The following PPP2R3C variants were observed in gnomAD, a reference collection of about 807,000 sequenced individuals.
PPP2R3C encodes the protein serine/threonine-protein phosphatase 2A regulatory subunit B'' subunit gamma.
PPP2R3C carries 47 observed loss-of-function variants against 63.7 expected under a neutral mutation model. That is an observed-to-expected ratio of 0.74 (90% CI 0.58 to 0.94). The LOEUF is 0.94. Ranked by LOEUF, PPP2R3C falls within the 40% of genes least tolerant of loss-of-function variation. The pLI is 0.00. For missense variants in PPP2R3C, 421 were observed against 518.4 expected, an observed-to-expected ratio of 0.81 and a Z score of 1.82; for synonymous variants, 180 against 177.4, an observed-to-expected ratio of 1.01 and a Z score of -0.12.
Position 35,085,571 on chromosome 14 carries a change from CAGTCT to C in PPP2R3C, c.*14_*18del. 6.4e-7 allele frequency: 1 copy of C among 1,571,164 alleles called. No homozygotes were observed. Reference sequence around the variant, plus strand: ...CATTCAAGTATCTCATAATATAAGACAGTCTAGTCTTTCAGAGATCATGTATCATC... The same window carrying C: ...CATTCAAGTATCTCATAATATAAGACAGTCTTTCAGAGATCATGTATCATC... On this transcript the variant is annotated 3_prime_UTR_variant, in exon 13 of 13. Transcript: ENST00000261475.
In PPP2R3C at chr14:35,085,599, A is replaced by G. The variant is rs1243888501; in HGVS notation, c.1353T>C (p.Asp451=). The change falls in exon 13 of 13, where the codon GAT becomes GAC. Residue 451 remains aspartate, a synonymous_variant. Coordinates refer to ENST00000261475, the MANE Select transcript of PPP2R3C (RefSeq NM_017917.4). ...ANDSENSADL[D]DT ...TCTAGTCTTTCAGAGATCATGTATC[A>G]TCAAGGTCTGCAGAGTTTTCACTGT... 2 of 1,607,080 alleles carry G rather than the reference A, an allele frequency of 1.2e-6. No homozygotes were observed. The highest frequency in any genetic ancestry group is 2.2e-5 in the East Asian group (1 of 44,838).
chr14:35,117,781 G>A (rs1053778090), intron 1 of PPP2R3C, among the ~76,000 whole-genome samples: 13 of 151,616 alleles, frequency 8.6e-5, no homozygotes, highest in Non-Finnish European at 4.4e-5. Context: ...GGCAACCTCC[G>A]CCTCCCAGGT....
chr14:35,121,254 A>G (rs1228637453), intron 1 of PPP2R3C, among the ~76,000 whole-genome samples: 1 of 152,010 alleles, frequency 6.6e-6, no homozygotes, highest in African/African-American at 2.4e-5. Flanking sequence ...GCGCGCGCTT[A>G]TAGTTCCAGC....
At position 35,110,318 on chromosome 14, in the gene PPP2R3C, TAAAC is replaced by T. The variant is rs1362659003; in HGVS notation, c.291+203_291+206del. 9.9e-6 allele frequency: 5 copies of T among 502,764 alleles called. No homozygotes were observed. The East Asian group carries it at 1.4e-4, about 14-fold the overall frequency. The allele number at this position is 502,764 out of a possible 1,614,324, so 31.1% of individuals were successfully genotyped here. A position where few individuals can be genotyped will look rare whatever the true frequency, so the allele number is the denominator to read the frequency against. On this transcript the variant is annotated intron_variant, in intron 3 of 12. Transcript: ENST00000261475. ...TGCACATTAGAATCACCTAGGGCCT[TAAAC>T]AAAAATAACAAACAACACTATGTTT...
At position 35,121,938 on chromosome 14, in the gene PPP2R3C, G is replaced by A; in HGVS notation, c.22C>T (p.Arg8Cys). 7 of 1,614,132 alleles carry A rather than the reference G, an allele frequency of 4.3e-6. No individual in the cohort carries two copies. Among genetic ancestry groups the A allele is most frequent in the Non-Finnish European group, 5.1e-6 (6 of 1,180,030 alleles). The change falls in exon 1 of 13, where the codon CGT becomes TGT. Residue 8 changes from arginine (R) to cysteine (C), a missense_variant. This residue lies in a region of PPP2R3C where 143 missense variants were observed against 151.2 expected (regional missense o/e 0.95). Transcript: ENST00000261475. MDWKEVL[R>C]RRLATPNTCP... ...GTGTTGGGCGTCGCTAGGCGCCGAC[G>A]AAGAACTTCTTTCCAGTCCATGGCC...
At chr14:35,086,405 GC>G in intron 12 of PPP2R3C, 1 of 152,036 alleles carries the variant, frequency 6.6e-6, no homozygotes, top group Non-Finnish European at 1.5e-5. Flanking sequence ...CACCATATTG[GC>G]CAGGCTGGTC....
At chr14:35,089,774 T>C (rs541348427) in intron 11 of PPP2R3C, among the ~76,000 whole-genome samples, 1 of 152,092 alleles carries the variant, frequency 6.6e-6, no homozygotes, top group Non-Finnish European at 1.5e-5. Context: ...CATGCCATTC[T>C]CCTGCCTCAG....
At chr14:35,097,732 T>TGC in intron 7 of PPP2R3C, among the ~76,000 whole-genome samples, 1 of 152,070 alleles carries the variant, frequency 6.6e-6, no homozygotes, top group African/African-American at 2.4e-5. Flanking sequence ...GATTCACCCA[T>TGC]CTTAGCCTCC....
chr14:35,098,106 T>C (rs1405185630), intron 7 of PPP2R3C, among the ~76,000 whole-genome samples: 3 of 152,028 alleles, frequency 2.0e-5, no homozygotes, highest in African/African-American at 7.2e-5. Context: ...AAAGTATATA[T>C]GTGTGTACTT....
chr14:35,117,097 G>C (rs1422771087), intron 1 of PPP2R3C: 2 of 455,816 alleles, frequency 4.4e-6, no homozygotes, highest in Non-Finnish European at 8.8e-6. Context: ...CGCTGTAGTA[G>C]ACACGGAATG....
intron 6 of PPP2R3C, among the ~76,000 whole-genome samples, chr14:35,105,811 A>G (rs2046334469): frequency 6.6e-6 from 1 of 151,818 alleles, no homozygotes; most frequent in African/African-American, 2.4e-5. Flanking sequence ...GTGAATATGG[A>G]CAGTTAGCAT....
At position 35,119,849 on chromosome 14, in the gene PPP2R3C, C is replaced by CTTT. The variant is rs71121267; in HGVS notation, c.58+2050_58+2052dup. Among the ~76,000 whole-genome samples the CTTT allele has an allele frequency of 2.1e-3, 242 of 116,962 alleles. 9 individuals carry two copies. The highest frequency in any genetic ancestry group is 4.1e-3 in the African/African-American group (121 of 29,602). The allele number at this position is 116,962 out of a possible 152,430, so 76.7% of individuals were successfully genotyped here. On this transcript the variant is annotated intron_variant, in intron 1 of 12. Coordinates refer to ENST00000261475, the MANE Select transcript of PPP2R3C (RefSeq NM_017917.4). ...TTAAATAGGAGCATGGACAGTTCAT[C>CTTT]TTTTTTTTTTTTTTTTTTTGAGACG...
In PPP2R3C at chr14:35,094,480, T is replaced by A. The variant is rs1395091708; in HGVS notation, c.975+568A>T. ...TACCAAGCCTGGCCTCAGCTTTTTTTTAAAAAAAAAAAAAAACTAGAATGC... is the reference window on the plus strand; with the variant it reads ...TACCAAGCCTGGCCTCAGCTTTTTTATAAAAAAAAAAAAAAACTAGAATGC... On this transcript the variant is annotated intron_variant, in intron 10 of 12. Coordinates refer to ENST00000261475, the MANE Select transcript of PPP2R3C (RefSeq NM_017917.4). Among the ~76,000 whole-genome samples the A allele has an allele frequency of 7.7e-4, 113 of 147,518 alleles. 1 individual carries two copies. The highest frequency in any genetic ancestry group is 7.5e-3 in the East Asian group (38 of 5,094).
intron 5 of PPP2R3C, 104 bp downstream of exon 5, chr14:35,108,035 C>T: frequency 1.4e-6 from 2 of 1,430,178 alleles, no homozygotes; most frequent in South Asian, 1.5e-5. Context: ...TTCTACTATT[C>T]AAACTTAGAG....
intron 2 of PPP2R3C, among the ~76,000 whole-genome samples, chr14:35,113,401 G>A (rs1298664307): frequency 6.6e-6 from 1 of 152,014 alleles, no homozygotes; most frequent in Non-Finnish European, 1.5e-5. Context: ...GAAGTGACAC[G>A]AAGAAAGGAA....
intron 1 of PPP2R3C, among the ~76,000 whole-genome samples, chr14:35,119,872 A>C (rs2046814321): frequency 1.0e-5 from 1 of 97,328 alleles, no homozygotes; most frequent in South Asian, 3.4e-4. Context: ...TTTTTTTGAG[A>C]CGGAGTCTCG....
At chr14:35,088,127 TTC>T in intron 11 of PPP2R3C, 117 bp from the exon 12 acceptor site, 3 of 755,170 alleles carry the variant, frequency 4.0e-6, no homozygotes, top group East Asian at 2.7e-5. Flanking sequence ...AACCTCATCA[TTC>T]TCTCTCTTGC....
intron 6 of PPP2R3C, chr14:35,102,871 C>G (rs1447506781): frequency 6.6e-6 from 1 of 152,348 alleles, no homozygotes; most frequent in Non-Finnish European, 1.5e-5. Context: ...AGTGATTCTC[C>G]TGCCTCAGCC....
At chr14:35,119,996 C>A (rs1416161507) in intron 1 of PPP2R3C, among the ~76,000 whole-genome samples, 1 of 151,604 alleles carries the variant, frequency 6.6e-6, no homozygotes, top group African/African-American at 2.4e-5. Flanking sequence ...GGACTACAGG[C>A]GCCCGCCACC....
Sources: gnomAD v4.1 joint callset for allele counts (sites outside exome capture counted in the v4.1 genomes callset) on GRCh38, gnomAD v4.1.1 for gene constraint, gnomAD v4.1.1 regional missense constraint, MANE v1.5 for transcripts, NCBI Gene and HGNC (gene_info 2026-07-23, HGNC 2026-07-21) for gene names.